The following MLLT10 variants were observed in gnomAD, a reference collection of about 807,000 sequenced individuals.
MLLT10 encodes MLLT10 histone lysine methyltransferase DOT1L cofactor.
MLLT10 carries 30 observed loss-of-function variants against 129.1 expected under a neutral mutation model. The ratio of observed to expected loss-of-function variants is 0.23; its 90% CI spans 0.17 to 0.32. The LOEUF (loss-of-function observed/expected upper bound fraction) is 0.32, where lower values mean the gene tolerates loss of function less well. MLLT10 is among the 10% of genes least tolerant of loss of function. The pLI, the probability that MLLT10 is intolerant of heterozygous loss-of-function variation, is 1.00. For synonymous variants in MLLT10, 490 were observed against 446.4 expected, an observed-to-expected ratio of 1.10 and a Z score of -1.23; for missense variants, 1,119 against 1,268.3, an observed-to-expected ratio of 0.88 and a Z score of 1.79.
intron 5 of MLLT10, among the ~76,000 whole-genome samples, chr10:21,606,878 G>A (rs538051650): frequency 2.2e-4 from 33 of 152,342 alleles, no homozygotes; most frequent in African/African-American, 7.2e-4. Flanking sequence ...TTTGAAGAAA[G>A]TTTTACTGTA....
intron 9 of MLLT10, among the ~76,000 whole-genome samples, chr10:21,666,410 C>G (rs1318301422): frequency 6.6e-6 from 1 of 152,000 alleles, no homozygotes; most frequent in Non-Finnish European, 1.5e-5. Context: ...CATGGCTGTA[C>G]TCCCAAACAC....
chr10:21,542,338 G>A (rs957748314), intron 3 of MLLT10, among the ~76,000 whole-genome samples: 2 of 152,168 alleles, frequency 1.3e-5, no homozygotes, highest in African/African-American at 4.8e-5. Flanking sequence ...GGAGGCTCAG[G>A]TAGGCAGATC....
chr10:21,670,213 C>T (rs2051249184), intron 9 of MLLT10, among the ~76,000 whole-genome samples: 1 of 152,078 alleles, frequency 6.6e-6, no homozygotes. Flanking sequence ...GCAATTTGAT[C>T]CTGAAACAGC....
chr10:21,741,175 G>A (rs775986182), intron 22 of MLLT10, among the ~76,000 whole-genome samples: 1 of 152,120 alleles, frequency 6.6e-6, no homozygotes, highest in Middle Eastern at 3.4e-3. Flanking sequence ...CTCTTGTCTC[G>A]CCTACTTCCT....
chr10:21,584,681 A>G (rs573089441), intron 3 of MLLT10, among the ~76,000 whole-genome samples: 2 of 150,642 alleles, frequency 1.3e-5, no homozygotes, highest in South Asian at 4.2e-4. Context: ...TTCTACTCCA[A>G]TTTTTTGTTG....
At chr10:21,681,874 A>G (rs2052771364) in intron 12 of MLLT10, among the ~76,000 whole-genome samples, 1 of 152,308 alleles carries the variant, frequency 6.6e-6, no homozygotes, top group East Asian at 1.9e-4. Flanking sequence ...ATTTACCTAT[A>G]TAGATTTGCA....
chr10:21,678,624 G>A (rs2052429795), intron 11 of MLLT10, among the ~76,000 whole-genome samples: 1 of 152,148 alleles, frequency 6.6e-6, no homozygotes, highest in Non-Finnish European at 1.5e-5. Context: ...TATAGGGTAG[G>A]ATGGGTTCAT....
chr10:21,680,971 A>G (rs2052681651), intron 11 of MLLT10, among the ~76,000 whole-genome samples: 1 of 151,808 alleles, frequency 6.6e-6, no homozygotes, highest in African/African-American at 2.4e-5. Flanking sequence ...AAAAAAAAAG[A>G]TCTAAAGCAC....
chr10:21,631,086 G>A (rs539777681), intron 8 of MLLT10, among the ~76,000 whole-genome samples: 1 of 152,040 alleles, frequency 6.6e-6, no homozygotes, highest in African/African-American at 2.4e-5. Flanking sequence ...CGAGGTGGGC[G>A]GATCACAAGG....
At chr10:21,690,451 G>A (rs2053742099) in intron 13 of MLLT10, among the ~76,000 whole-genome samples, 1 of 152,022 alleles carries the variant, frequency 6.6e-6, no homozygotes, top group Non-Finnish European at 1.5e-5. Flanking sequence ...GATTCTTTCA[G>A]GTATGTGTAG....
At chr10:21,536,249 T>G (rs923171935) in intron 2 of MLLT10, among the ~76,000 whole-genome samples, 1 of 152,204 alleles carries the variant, frequency 6.6e-6, no homozygotes, top group Non-Finnish European at 1.5e-5. Flanking sequence ...CCCTAGACTT[T>G]TAAAGAAGAG....
chr10:21,633,319 TATGATTTAGAATC>T (rs1365161541), intron 8 of MLLT10, among the ~76,000 whole-genome samples: 1 of 152,256 alleles, frequency 6.6e-6, no homozygotes, highest in Admixed American at 6.5e-5. Flanking sequence ...TTGTAACACT[TATGATTTAGAATC>T]ATGATTTAGA....
At chr10:21,703,058 T>C (rs543242200) in intron 13 of MLLT10, among the ~76,000 whole-genome samples, 1 of 152,214 alleles carries the variant, frequency 6.6e-6, no homozygotes, top group Non-Finnish European at 1.5e-5. Flanking sequence ...CCTTTCTCTT[T>C]CTTCTTACTT....
intron 10 of MLLT10, 27 bp downstream of exon 10, chr10:21,670,731 C>T (rs765146837): frequency 6.3e-7 from 1 of 1,592,664 alleles, no homozygotes; most frequent in Non-Finnish European, 8.5e-7. Context: ...AGTTAAAATA[C>T]TTGTGTTTAA....
At position 21,556,336 on chromosome 10, in the gene MLLT10, C is replaced by T. The variant is rs535521256; in HGVS notation, c.240+17424C>T. ...GCAGACATTATTGAGTGATAGACTT[C>T]ATCATAAGTGATCTAGCGGGGTTCT... On this transcript the variant is annotated intron_variant, in intron 3 of 22. Transcript: ENST00000307729. Among the ~76,000 whole-genome samples, 9 of 152,268 alleles carry T rather than the reference C, an allele frequency of 5.9e-5. No homozygotes were observed. The South Asian group carries it at 1.9e-3, about 32-fold the overall frequency.
chr10:21,647,878 T>G (rs1338247014), intron 8 of MLLT10, among the ~76,000 whole-genome samples: 3 of 151,362 alleles, frequency 2.0e-5, no homozygotes, highest in African/African-American at 7.3e-5. Flanking sequence ...TCCCTTTCTG[T>G]TTTTTTTATT....
At chr10:21,599,991 G>A (rs2043367237) in intron 5 of MLLT10, among the ~76,000 whole-genome samples, 1 of 152,194 alleles carries the variant, frequency 6.6e-6, no homozygotes, top group Non-Finnish European at 1.5e-5. Context: ...AATATGGTAA[G>A]ATATGTGCCC....
chr10:21,720,920 T>G lies in MLLT10; in HGVS notation c.1879-5324T>G, dbSNP rs988167837. On this transcript the variant is annotated intron_variant, in intron 14 of 22. Transcript: ENST00000307729. ...TCCTATGAGGTAGATACTGTTGTTATCCTCATTTTCCAGATGGAAATTGAG... is the reference window on the plus strand; with the variant it reads ...TCCTATGAGGTAGATACTGTTGTTAGCCTCATTTTCCAGATGGAAATTGAG... Among the ~76,000 whole-genome samples, 51 of 152,226 alleles carry G rather than the reference T, an allele frequency of 3.4e-4. 1 individual carries two copies. The highest frequency in any genetic ancestry group is 2.4e-4 in the Non-Finnish European group (16 of 68,028).
intron 4 of MLLT10, among the ~76,000 whole-genome samples, chr10:21,593,638 A>T (rs1180644381): frequency 2.6e-5 from 4 of 151,924 alleles, no homozygotes; most frequent in Admixed American, 2.0e-4. Flanking sequence ...GTAATGAAGA[A>T]ATTTTAGGCT....
Sources: allele counts gnomAD v4.1 joint callset (sites outside exome capture counted in the v4.1 genomes callset), GRCh38; gene constraint gnomAD v4.1.1; transcripts MANE v1.5; gene names NCBI Gene and HGNC (gene_info 2026-07-23, HGNC 2026-07-21).